Variants in NPIPA3 observed in about 807,000 individuals in gnomAD.
NPIPA3 encodes nuclear pore complex-interacting protein family member A3.
Under a neutral mutation model 1.4 loss-of-function variants are expected in NPIPA3, and 1 was observed. The observed-to-expected ratio is 0.73, with a 90% confidence interval of 0.26 to 3.47. NPIPA3 has a LOEUF of 3.47. NPIPA3 is among the 30% of genes most tolerant of loss of function. The pLI is 0.19.
chr16:14,722,038 G>C (rs1431821403), intron 4 of NPIPA3, among the ~76,000 whole-genome samples: 1 of 13,304 alleles, frequency 7.5e-5, no homozygotes, highest in African/African-American at 9.8e-5. Flanking sequence ...CTCAAGAGTA[G>C]AATGCTTCCT....
intron 2 of NPIPA3, among the ~76,000 whole-genome samples, chr16:14,718,843 A>G (rs1179003623): frequency 0.01 from 1,017 of 99,128 alleles, 31 homozygotes; most frequent in African/African-American, 0.032. Context: ...TGTGTGAAGT[A>G]TATTCATGTC....
Position 14,718,939 on chromosome 16 carries a change from C to A in NPIPA3, c.250-888C>A, listed in dbSNP as rs1408706060. Among the ~76,000 whole-genome samples, 10 of 47,140 alleles carry A rather than the reference C, an allele frequency of 2.1e-4. No homozygotes were observed. The East Asian group carries it at 2.5e-3, about 12-fold the overall frequency. The allele number at this position is 47,140 out of a possible 152,430, so 30.9% of individuals were successfully genotyped here. ...AGTGGTGGGATCTTGGCTCACTGCA[C>A]CCTCTGCCTCCTGGGTTCAAGCAGT... On this transcript the variant is annotated intron_variant, in intron 2 of 7. Coordinates refer to ENST00000531598, the Ensembl canonical transcript of NPIPA3.
At chr16:14,710,033 ATT>A (rs1408845567) in intron 1 of NPIPA3, among the ~76,000 whole-genome samples, 42 of 74,886 alleles carry the variant, frequency 5.6e-4, no homozygotes, top group African/African-American at 9.2e-4. Context: ...ATATATATAT[ATT>A]TTTTTTTTTT....
intron 1 of NPIPA3, among the ~76,000 whole-genome samples, chr16:14,713,363 TTTTA>T (rs1339341909): frequency 2.6e-5 from 3 of 117,390 alleles, no homozygotes; most frequent in Non-Finnish European, 3.8e-5. Context: ...ATCTACATTA[TTTTA>T]TTTATTTATT....
At chr16:14,719,471 T>TTGTGTGTG (rs1238073380) in intron 2 of NPIPA3, among the ~76,000 whole-genome samples, 32 of 12,742 alleles carry the variant, frequency 2.5e-3, no homozygotes, top group African/African-American at 4.3e-3. Context: ...ATGTCATTCT[T>TTGTGTGTG]TGTGTGTGTG....
At chr16:14,709,990 CACAG>C (rs1166397912) in intron 1 of NPIPA3, among the ~76,000 whole-genome samples, 5 of 55,822 alleles carry the variant, frequency 9.0e-5, no homozygotes, top group South Asian at 5.0e-4. Context: ...CACACACACA[CACAG>C]ACAGACACAC....
At chr16:14,710,091 G>A (rs1044645254) in intron 1 of NPIPA3, among the ~76,000 whole-genome samples, 3 of 55,900 alleles carry the variant, frequency 5.4e-5, no homozygotes, top group African/African-American at 1.7e-4. Flanking sequence ...GAGTGCAATG[G>A]CACAATCTTG....
chr16:14,710,040 T>A (rs28735307), intron 1 of NPIPA3, among the ~76,000 whole-genome samples: 1 of 80,912 alleles, frequency 1.2e-5, no homozygotes, highest in African/African-American at 3.9e-5. Flanking sequence ...TATATTTTTT[T>A]TTTTTTTTTG....
At chr16:14,722,298 G>C (rs1961564801) in intron 4 of NPIPA3, among the ~76,000 whole-genome samples, 1 of 58,466 alleles carries the variant, frequency 1.7e-5, no homozygotes, top group African/African-American at 3.5e-5. Context: ...AAGTGTTTTC[G>C]TCTCTGTTTC....
At chr16:14,710,033 ATTT>A (rs1408845567) in intron 1 of NPIPA3, among the ~76,000 whole-genome samples, 1 of 74,944 alleles carries the variant, frequency 1.3e-5, no homozygotes, top group African/African-American at 4.2e-5. Flanking sequence ...ATATATATAT[ATTT>A]TTTTTTTTTT....
intron 7 of NPIPA3, 111 bp from the exon 10 acceptor site, chr16:14,725,771 GA>G: frequency 1.4e-6 from 2 of 1,473,878 alleles, no homozygotes; most frequent in Non-Finnish European, 9.0e-7. Flanking sequence ...CTGGAGAATG[GA>G]AAGGTGCAAA....
At chr16:14,719,522 T>TGTGTGTGTGA (rs1240656220) in intron 2 of NPIPA3, among the ~76,000 whole-genome samples, 2 of 15,944 alleles carry the variant, frequency 1.3e-4, no homozygotes, top group African/African-American at 2.1e-4. Context: ...TGTGTGTGTG[T>TGTGTGTGTGA]GACAGAGTCT....
At chr16:14,722,376 G>C (rs940651559) in intron 4 of NPIPA3, among the ~76,000 whole-genome samples, 1 of 48,584 alleles carries the variant, frequency 2.1e-5, no homozygotes, top group Non-Finnish European at 6.9e-5. Context: ...CTTAGGATCA[G>C]GACCATGAAT....
At chr16:14,710,014 C>T (rs1270621783) in intron 1 of NPIPA3, among the ~76,000 whole-genome samples, 17 of 67,020 alleles carry the variant, frequency 2.5e-4, no homozygotes, top group East Asian at 1.2e-3. Flanking sequence ...CACACACACA[C>T]ATATATATAT....
intron 2 of NPIPA3, among the ~76,000 whole-genome samples, chr16:14,719,457 C>A (rs1419734366): frequency 1.9e-4 from 2 of 10,740 alleles, no homozygotes; most frequent in African/African-American, 2.9e-4. Context: ...ACCGTGCCAG[C>A]CTCATGTCAT....
intron 4 of NPIPA3, among the ~76,000 whole-genome samples, chr16:14,722,578 C>T (rs920616955): frequency 8.6e-5 from 1 of 11,666 alleles, no homozygotes; most frequent in Non-Finnish European, 8.1e-4. Flanking sequence ...TCAATAGATG[C>T]GCCCAGCATT....
In NPIPA3 at chr16:14,719,456, G is replaced by T. The variant is rs1188086112; in HGVS notation, c.250-371G>T. 5.5e-4 allele frequency among the ~76,000 whole-genome samples: 6 copies of T among 10,940 alleles called. 1 individual carries two copies. In the Admixed American group the frequency reaches 0.012, roughly 23 times the overall value. 7.2% of individuals were successfully genotyped at this position (10,940 alleles called of 152,430 possible). Reference sequence around the variant, plus strand: ...ATTACAGGAGTGAGCCACCGTGCCAGCCTCATGTCATTCTTTGTGTGTGTG... The same window carrying T: ...ATTACAGGAGTGAGCCACCGTGCCATCCTCATGTCATTCTTTGTGTGTGTG... On this transcript the variant is annotated intron_variant, in intron 2 of 7. Coordinates refer to ENST00000531598, the Ensembl canonical transcript of NPIPA3.
intron 1 of NPIPA3, among the ~76,000 whole-genome samples, chr16:14,709,978 TACACACACACACACAGACAGACACAC>T (rs1323332852): frequency 8.7e-5 from 4 of 46,070 alleles, no homozygotes; most frequent in Admixed American, 8.6e-4. Context: ...TTTATATAGA[TACACACACACACACAGACAGACACAC>T]ACACACACAC....
Position 14,722,403 on chromosome 16 carries a change from A to G in NPIPA3, c.495-789A>G, listed in dbSNP as rs1329571445. Among the ~76,000 whole-genome samples the G allele has an allele frequency of 5.1e-5, 2 of 39,178 alleles. 1 individual carries two copies. Among genetic ancestry groups the G allele is most frequent in the Non-Finnish European group, 1.9e-4 (2 of 10,478 alleles). The allele number at this position is 39,178 out of a possible 152,430, so 25.7% of individuals were successfully genotyped here. ...ACCATGAATCAAGTGGTGTGAGGGC[A>G]ACACAGCAAACTTACCCTTTTGAGG... On this transcript the variant is annotated intron_variant, in intron 4 of 7. Coordinates refer to ENST00000531598, the Ensembl canonical transcript of NPIPA3.
Sources: gnomAD v4.1 joint callset for allele counts (sites outside exome capture counted in the v4.1 genomes callset) on GRCh38, gnomAD v4.1.1 for gene constraint, MANE v1.5 for transcripts, NCBI Gene and HGNC (gene_info 2026-07-23, HGNC 2026-07-21) for gene names.